NALF1: variants seen among roughly 807,000 people sequenced by gnomAD.
NALF1 encodes family with sequence similarity 155 member A.
NALF1 carries 3 observed loss-of-function variants against 48.4 expected under a neutral mutation model. The observed-to-expected ratio is 0.06, with a 90% CI of 0.03 to 0.16. The LOEUF (loss-of-function observed/expected upper bound fraction) is 0.16. NALF1 is among the 10% of genes least tolerant of loss of function. The pLI is 1.00. For synonymous variants in NALF1, 262 were observed against 245.7 expected (o/e 1.07, Z -0.62); for missense variants, 526 against 571.5 (o/e 0.92, Z 0.81).
chr13:107,207,096 G>A lies in NALF1; in HGVS notation c.1087+3488C>T, dbSNP rs149294222. ...AAAAATTGCTGGAGGCAAGAGGAAG[G>A]TCACCTTACTTGGTGAATTCTTTTT... is the stretch of plus-strand genomic sequence containing the variant. On this transcript the variant is annotated intron_variant, in intron 2 of 2. Transcript: ENST00000375915. Among the ~76,000 whole-genome samples, 25 of 152,166 alleles carry A rather than the reference G, an allele frequency of 1.6e-4. No homozygotes were observed. The East Asian group carries it at 4.5e-3, about 27-fold the overall frequency.
chr13:107,729,774 C>T (rs536851554), intron 1 of NALF1, among the ~76,000 whole-genome samples: 5 of 152,248 alleles, frequency 3.3e-5, no homozygotes, highest in African/African-American at 9.6e-5. Context: ...CCACTGCACC[C>T]GACCCTTTGA....
chr13:107,859,893 C>T (rs921253160), intron 1 of NALF1, among the ~76,000 whole-genome samples: 133 of 121,656 alleles, frequency 1.1e-3, no homozygotes, highest in African/African-American at 4.0e-3. Flanking sequence ...CCAGCCTGGA[C>T]GACAGAGCAA....
chr13:107,222,454 A>T (rs965476869), intron 1 of NALF1, among the ~76,000 whole-genome samples: 4 of 152,208 alleles, frequency 2.6e-5, no homozygotes, highest in Non-Finnish European at 5.9e-5. Flanking sequence ...TACAACACAC[A>T]CAGAGCACAA....
At chr13:107,309,450 CCTG>C (rs1170680546) in intron 1 of NALF1, among the ~76,000 whole-genome samples, 1 of 152,124 alleles carries the variant, frequency 6.6e-6, no homozygotes, top group Non-Finnish European at 1.5e-5. Context: ...TGAGAAAAGT[CCTG>C]AGGCAAATAA....
At chr13:107,288,334 C>T (rs1003958438) in intron 1 of NALF1, among the ~76,000 whole-genome samples, 2 of 151,258 alleles carry the variant, frequency 1.3e-5, no homozygotes, top group African/African-American at 2.4e-5. Flanking sequence ...ATTCTCCTGC[C>T]TCAGCCTCCC....
intron 1 of NALF1, among the ~76,000 whole-genome samples, chr13:107,621,009 T>C (rs1879504593): frequency 6.6e-6 from 1 of 152,106 alleles, no homozygotes; most frequent in South Asian, 2.1e-4. Flanking sequence ...TGTGTGTGTG[T>C]TAACTTCAGT....
intron 2 of NALF1, among the ~76,000 whole-genome samples, chr13:107,174,956 T>C (rs1878889573): frequency 1.3e-5 from 2 of 150,256 alleles, no homozygotes. Flanking sequence ...CGATCTCGGC[T>C]CACTGCAAGC....
intron 1 of NALF1, among the ~76,000 whole-genome samples, chr13:107,720,510 C>CAAAAAAAAA (rs56380251): frequency 8.4e-5 from 5 of 59,842 alleles, no homozygotes; most frequent in East Asian, 4.7e-4. Context: ...GACTGCATCT[C>CAAAAAAAAA]AAAAAAAAAA....
At chr13:107,497,813 G>A (rs533334198) in intron 1 of NALF1, among the ~76,000 whole-genome samples, 2 of 152,184 alleles carry the variant, frequency 1.3e-5, no homozygotes, top group East Asian at 3.9e-4. Context: ...GTAGACGGAG[G>A]CATTTAATTA....
At chr13:107,826,198 CG>C (rs1879512276) in intron 1 of NALF1, among the ~76,000 whole-genome samples, 1 of 152,208 alleles carries the variant, frequency 6.6e-6, no homozygotes, top group Non-Finnish European at 1.5e-5. Flanking sequence ...GAGAAAGAGA[CG>C]GAACATTCAT....
intron 1 of NALF1, among the ~76,000 whole-genome samples, chr13:107,502,587 T>C (rs1430909337): frequency 6.6e-6 from 1 of 152,152 alleles, no homozygotes; most frequent in Admixed American, 6.5e-5. Flanking sequence ...ACCCTTCCCC[T>C]TGGGGCTTTG....
chr13:107,550,740 G>T (rs1182966211), intron 1 of NALF1, among the ~76,000 whole-genome samples: 3 of 152,122 alleles, frequency 2.0e-5, no homozygotes, highest in African/African-American at 7.2e-5. Flanking sequence ...GAAAAGGAAA[G>T]AAGGGTGAGT....
intron 1 of NALF1, among the ~76,000 whole-genome samples, chr13:107,228,027 T>C (rs1430371093): frequency 6.6e-6 from 1 of 152,214 alleles, no homozygotes; most frequent in Non-Finnish European, 1.5e-5. Context: ...TTACTAAATA[T>C]GTTATGTAAA....
At chr13:107,203,564 C>T (rs1221773106) in intron 2 of NALF1, among the ~76,000 whole-genome samples, 1 of 152,012 alleles carries the variant, frequency 6.6e-6, no homozygotes, top group Non-Finnish European at 1.5e-5. Flanking sequence ...GACATCTTCC[C>T]TCAATGGCAT....
chr13:107,188,715 A>T (rs975468908), intron 2 of NALF1, among the ~76,000 whole-genome samples: 2 of 152,186 alleles, frequency 1.3e-5, no homozygotes, highest in Non-Finnish European at 2.9e-5. Flanking sequence ...ACTCTCTCCT[A>T]TTCTCAATAC....
At chr13:107,413,455 A>C (rs1884026847) in intron 1 of NALF1, among the ~76,000 whole-genome samples, 1 of 150,918 alleles carries the variant, frequency 6.6e-6, no homozygotes, top group African/African-American at 2.4e-5. Flanking sequence ...AAAACTCGTC[A>C]ATTTTAAATA....
intron 1 of NALF1, among the ~76,000 whole-genome samples, chr13:107,752,044 G>C (rs897052700): frequency 1.3e-5 from 2 of 151,654 alleles, no homozygotes; most frequent in African/African-American, 4.8e-5. Flanking sequence ...TTAATATATG[G>C]GGGAATGATT....
At chr13:107,487,453 A>C (rs1436289164) in intron 1 of NALF1, among the ~76,000 whole-genome samples, 1 of 152,228 alleles carries the variant, frequency 6.6e-6, no homozygotes, top group Non-Finnish European at 1.5e-5. Flanking sequence ...AACTTTGATT[A>C]CTTAAAATAC....
At position 107,866,489 on chromosome 13, in the gene NALF1, C is replaced by G. The variant is rs1216584825; in HGVS notation, c.108G>C (p.Gln36His). ...GAGATGCCAGAGACAGTCGCCATTT[C>G]TGAGCCCTCTCGGAATCGATGAACG... ...EKPFIDSERAQKWRLSLASLL... is the reference protein window; with the variant it reads ...EKPFIDSERAHKWRLSLASLL... Residue 36 changes from glutamine (Q) to histidine (H), a missense_variant, in exon 1 of 3, where the codon CAG becomes CAC. By Grantham distance (24) the Gln-to-His change is conservative. Coordinates refer to ENST00000375915, the MANE Select transcript of NALF1 (RefSeq NM_001080396.3). The surrounding 1 kb of genome is among the most constrained non-coding windows in gnomAD (Gnocchi z 4.4). The G allele has an allele frequency of 6.2e-7, 1 of 1,614,006 alleles. No individual in the cohort carries two copies. The highest frequency in any genetic ancestry group is 1.3e-5 in the African/African-American group (1 of 74,926).
Sources: gnomAD v4.1 joint callset for allele counts (sites outside exome capture counted in the v4.1 genomes callset) on GRCh38, gnomAD v4.1.1 for gene constraint, Gnocchi (gnomAD v3.1) non-coding constraint, MANE v1.5 for transcripts, NCBI Gene and HGNC (gene_info 2026-07-23, HGNC 2026-07-21) for gene names.